WASHC4: variants seen among roughly 807,000 people sequenced by gnomAD.
The protein encoded by WASHC4 is WASH complex subunit 4.
A neutral mutation model predicts 166.6 loss-of-function variants in WASHC4; 86 were observed. The observed-to-expected ratio is 0.52, with a 90% CI of 0.43 to 0.62. The LOEUF is 0.62. Among genes scored for constraint, WASHC4 ranks in the 20% least tolerant of loss-of-function variants. The probability of loss-of-function intolerance (pLI) is 0.00; values close to 1 mark genes in which losing one functional copy is unlikely to be tolerated. For missense variants in WASHC4, 1,262 were observed against 1,382.4 expected (o/e 0.91, Z 1.38); for synonymous variants, 446 against 451.6 (o/e 0.99, Z 0.16).
At chr12:105,126,747 G>A (rs1353478779) in intron 12 of WASHC4, among the ~76,000 whole-genome samples, 1 of 152,010 alleles carries the variant, frequency 6.6e-6, no homozygotes, top group African/African-American at 2.4e-5. Flanking sequence ...ATTAGTTTGT[G>A]TGTAACATCA....
intron 7 of WASHC4, among the ~76,000 whole-genome samples, chr12:105,119,997 A>G (rs377145770): frequency 1.6e-4 from 24 of 152,278 alleles, no homozygotes; most frequent in African/African-American, 5.3e-4. Flanking sequence ...CAGGGAGGCA[A>G]GAGGCGGGAG....
chr12:105,116,042 G>A (rs770079611), intron 6 of WASHC4, among the ~76,000 whole-genome samples: 3 of 152,060 alleles, frequency 2.0e-5, no homozygotes, highest in Non-Finnish European at 4.4e-5. Flanking sequence ...AGTTGTTAAC[G>A]GATAGGAGAG....
At chr12:105,116,285 A>G (rs1039489504) in intron 6 of WASHC4, among the ~76,000 whole-genome samples, 9 of 152,144 alleles carry the variant, frequency 5.9e-5, no homozygotes, top group Non-Finnish European at 1.2e-4. Context: ...AAAAATACCC[A>G]TAGTCCCACC....
intron 1 of WASHC4, among the ~76,000 whole-genome samples, chr12:105,109,363 C>G (rs2135714126): frequency 6.6e-6 from 1 of 152,272 alleles, no homozygotes; most frequent in African/African-American, 2.4e-5. Context: ...CAGATATTTT[C>G]TACAACCAGT....
At chr12:105,148,948 G>A (rs181750430) in intron 24 of WASHC4, 6 of 985,038 alleles carry the variant, frequency 6.1e-6, no homozygotes, top group African/African-American at 1.7e-5. Flanking sequence ...TGAGTCAAGG[G>A]CTTTTTGTTA....
At chr12:105,115,114 T>G in intron 4 of WASHC4, 70 bp from the exon 5 acceptor site, 1 of 786,292 alleles carries the variant, frequency 1.3e-6, no homozygotes. Context: ...AGTATACAGA[T>G]CTAAGAGAGC....
chr12:105,166,217 A>G (rs955735005), intron 32 of WASHC4, among the ~76,000 whole-genome samples: 1 of 152,176 alleles, frequency 6.6e-6, no homozygotes, highest in Non-Finnish European at 1.5e-5. Flanking sequence ...TCAGCTAAAG[A>G]TTGCTCAGAG....
At chr12:105,116,857 C>CA (rs1449354097) in intron 6 of WASHC4, among the ~76,000 whole-genome samples, 2 of 152,066 alleles carry the variant, frequency 1.3e-5, no homozygotes, top group African/African-American at 4.8e-5. Flanking sequence ...ATCCAGAGAA[C>CA]AAAAAGGATA....
intron 31 of WASHC4, 83 bp from the exon 32 acceptor site, chr12:105,164,558 G>A: frequency 1.0e-6 from 1 of 953,040 alleles, no homozygotes; most frequent in Non-Finnish European, 1.6e-6. Context: ...ATAATAATAA[G>A]AGGCATAAAA....
Position 105,111,183 on chromosome 12 carries a change from T to C in WASHC4, c.120T>C (p.Ser40=), listed in dbSNP as rs1321565515. The part of the protein sequence containing the change: ...NYGKFLEEYT[S]QLRRIEDALD... ...GGAAATTTCTTGAGGAGTATACCTC[T>C]CAACTGAGAAGAATTGAGGACGCTC... The change falls in exon 2 of 33, where the codon TCT becomes TCC. Residue 40 remains serine (S), a synonymous_variant. Transcript: ENST00000332180. 1 of 1,607,274 alleles carries C rather than the reference T, an allele frequency of 6.2e-7. No individual in the cohort carries two copies. The highest frequency in any genetic ancestry group is 8.5e-7 in the Non-Finnish European group (1 of 1,174,342).
rs745724124 is a variant in WASHC4 at position 105,121,187 on chromosome 12, C to T, written c.648C>T (p.His216=). The T allele has an allele frequency of 4.2e-5, 66 of 1,586,824 alleles. No individual in the cohort carries two copies. Among genetic ancestry groups the T allele is most frequent in the Middle Eastern group, 3.3e-4 (2 of 6,026 alleles). Residue 216 remains histidine (H), a synonymous_variant, in exon 9 of 33, where the codon CAC becomes CAT. Coordinates refer to ENST00000332180, the MANE Select transcript of WASHC4 (RefSeq NM_015275.3). The part of the protein sequence containing the change: ...IIDNHITLKD[H]WTMYKRLLKS... ...ATAATCATATCACACTGAAAGACCA[C>T]TGGACTATGTACAAAAGGTACACCA...
intron 20 of WASHC4, among the ~76,000 whole-genome samples, chr12:105,143,674 C>T (rs997721684): frequency 6.6e-6 from 1 of 151,826 alleles, no homozygotes; most frequent in African/African-American, 2.4e-5. Context: ...AATATGTATG[C>T]CCCTCCTTTT....
intron 13 of WASHC4, among the ~76,000 whole-genome samples, chr12:105,131,822 G>A (rs756919098): frequency 3.0e-4 from 46 of 152,284 alleles, no homozygotes; most frequent in Middle Eastern, 3.4e-3. Context: ...TGTGTTTTTC[G>A]TCTAATGGAA....
chr12:105,124,612 C>CT (rs1338455693), intron 10 of WASHC4, among the ~76,000 whole-genome samples: 2 of 152,174 alleles, frequency 1.3e-5, no homozygotes, highest in Admixed American at 6.5e-5. Context: ...TCCCGAGTAG[C>CT]TGGGATTACA....
In WASHC4 at chr12:105,146,544, A is replaced by T. The variant is rs1592899913; in HGVS notation, c.2409+18A>T. On this transcript the variant is annotated intron_variant, in intron 23 of 32. Transcript: ENST00000332180. ...ACAATCAGGTGAGTAGGGTTTATAA[A>T]TTTTTTTTTTTTAATGTAGGTGGAG... The T allele has an allele frequency of 1.3e-5, 16 of 1,251,090 alleles. No homozygotes were observed. The highest frequency in any genetic ancestry group is 2.7e-5 in the South Asian group (2 of 75,414). The allele number at this position is 1,251,090 out of a possible 1,614,324, so 77.5% of individuals were successfully genotyped here.
Position 105,132,686 on chromosome 12 carries a change from T to C in WASHC4, c.1200-1084T>C, listed in dbSNP as rs902421789. On this transcript the variant is annotated intron_variant, in intron 13 of 32. Transcript: ENST00000332180. ...TGAGCTTGAATCTTGGCTGAACTTA[T>C]GATCTTGCTGCCTACTTAACTTCTC... Among the ~76,000 whole-genome samples, 4 of 152,156 alleles carry C rather than the reference T, an allele frequency of 2.6e-5. No homozygotes were observed. The South Asian group carries it at 6.2e-4, about 24-fold the overall frequency.
chr12:105,155,906 ATAT>A (rs1851178704), intron 26 of WASHC4, among the ~76,000 whole-genome samples: 1 of 152,150 alleles, frequency 6.6e-6, no homozygotes, highest in African/African-American at 2.4e-5. Flanking sequence ...AGCTCTGTAG[ATAT>A]TATACAACAC....
At chr12:105,164,388 C>T (rs1174677673) in intron 31 of WASHC4, 81 bp downstream of exon 31, 1 of 1,253,208 alleles carries the variant, frequency 8.0e-7, no homozygotes, top group East Asian at 2.3e-5. Context: ...AAAGCAGAAG[C>T]CATATAGAAA....
chr12:105,139,413 A>G (rs1474118216), intron 15 of WASHC4, among the ~76,000 whole-genome samples: 2 of 69,324 alleles, frequency 2.9e-5, no homozygotes, highest in Admixed American at 1.8e-4. Context: ...CAGACTATAT[A>G]TATGTGTGTG....
Sources: allele counts gnomAD v4.1 joint callset (sites outside exome capture counted in the v4.1 genomes callset), GRCh38; gene constraint gnomAD v4.1.1; transcripts MANE v1.5; gene names NCBI Gene and HGNC (gene_info 2026-07-23, HGNC 2026-07-21).